The following VPS11 variants were observed in gnomAD, a reference collection of about 807,000 sequenced individuals.
VPS11 encodes VPS11 core subunit of CORVET and HOPS complexes, also known as vacuolar protein sorting-associated protein 11 homolog.
Under a neutral mutation model 106.8 loss-of-function variants are expected in VPS11, and 51 were observed. The ratio of observed to expected loss-of-function variants is 0.48; its 90% CI spans 0.38 to 0.60. The LOEUF (loss-of-function observed/expected upper bound fraction) is 0.60, where lower values mean the gene tolerates loss of function less well. Ranked by LOEUF, VPS11 falls within the 20% of genes least tolerant of loss-of-function variation. The probability of loss-of-function intolerance (pLI) is 0.00; values close to 1 mark genes in which losing one functional copy is unlikely to be tolerated. For missense variants in VPS11, 950 were observed against 1,190.0 expected (o/e 0.80, Z 2.97); for synonymous variants, 453 against 458.7 (o/e 0.99, Z 0.16).
intron 12 of VPS11, 21 bp from the exon 13 acceptor site, chr11:119,078,774 G>A (rs541042213): frequency 2.5e-6 from 4 of 1,611,174 alleles, no homozygotes; most frequent in South Asian, 2.2e-5. Context: ...CCACTGAGGT[G>A]TGCCCTTGCC....
In VPS11 at chr11:119,070,027, T is replaced by TAAATAAATAAATAAATAAAA. The variant is rs1252189260; in HGVS notation, c.473-204_473-203insTAAATAAATAAATAAAAAAA. On this transcript the variant is annotated intron_variant, in intron 3 of 15. Transcript: ENST00000621676. ...ATAAATAAATAAATAAATAAATAAA[T>TAAATAAATAAATAAATAAAA]AAAATAAATAAAGTTTGGAATGGGA... Among the ~76,000 whole-genome samples, 32 of 32,442 alleles carry TAAATAAATAAATAAATAAAA rather than the reference T, an allele frequency of 9.9e-4. No individual in the cohort carries two copies. The East Asian group carries it at 0.014, about 14-fold the overall frequency. 21.3% of individuals were successfully genotyped at this position (32,442 alleles called of 152,430 possible).
chr11:119,068,441 TAC>T (rs1565735729), intron 1 of VPS11, among the ~76,000 whole-genome samples: 15 of 133,596 alleles, frequency 1.1e-4, no homozygotes, highest in South Asian at 2.3e-4. Context: ...CTGGCCTTTT[TAC>T]CTTTTTTTTT....
chr11:119,075,568 A>G (rs1255519218), intron 7 of VPS11, among the ~76,000 whole-genome samples: 1 of 149,138 alleles, frequency 6.7e-6, no homozygotes, highest in Non-Finnish European at 1.5e-5. Flanking sequence ...AAAAAAATAC[A>G]AGGCCAGGCG....
rs1377543409 is a variant in VPS11, at chr11:119,081,679, G to A, written c.*56G>A. ...GAGGACCAAGAGAACAGACACAATG[G>A]GACCTGGGCGGGCGTTACACAGAAG... On this transcript the variant is annotated 3_prime_UTR_variant, in exon 16 of 16. Transcript: ENST00000621676. 4 of 1,587,348 alleles carry A rather than the reference G, an allele frequency of 2.5e-6. No individual in the cohort carries two copies. In the African/African-American group the frequency reaches 5.4e-5, roughly 21 times the overall value.
chr11:119,069,160 TCTCCTTGGAAAGGAGG>T lies in VPS11; in HGVS notation c.188-28_188-13del. The T allele has an allele frequency of 6.2e-7, 1 of 1,611,404 alleles. No individual in the cohort carries two copies. The highest frequency in any genetic ancestry group is 1.8e-4 in the Middle Eastern group (1 of 5,672). Reference sequence around the variant, plus strand: ...GAGTTCTGGTCTGAATGTAAGTATCTCTCCTTGGAAAGGAGGCTCCTTGACTACCCTGCACATATGG... The same window carrying T: ...GAGTTCTGGTCTGAATGTAAGTATCTCTCCTTGACTACCCTGCACATATGG... On this transcript the variant is annotated intron_variant, in intron 1 of 15. Transcript: ENST00000621676.
chr11:119,078,393 T>A, intron 11 of VPS11, 59 bp downstream of exon 11: 6 of 1,589,932 alleles, frequency 3.8e-6, no homozygotes, highest in Non-Finnish European at 5.1e-6. Context: ...CATTCTTCCG[T>A]CTTGGTGGCT....
Position 119,071,629 on chromosome 11 carries a change from G to A in VPS11, c.670G>A (p.Val224Met), listed in dbSNP as rs1404992268. Reference sequence around the variant, plus strand: ...AGTTTCTGGAAAAGACTACCCTCGCGTGGAGTTGGACACCCATGGTTGTGG... The same window carrying A: ...AGTTTCTGGAAAAGACTACCCTCGCATGGAGTTGGACACCCATGGTTGTGG... ...YIVSGKDYPR[V>M]ELDTHGCGLR... Residue 224 changes from valine (V) to methionine (M), a missense_variant, in exon 5 of 16, where the codon GTG becomes ATG. Coordinates refer to ENST00000621676, the MANE Select transcript of VPS11 (RefSeq NM_021729.6). 22 of 1,613,884 alleles carry A rather than the reference G, an allele frequency of 1.4e-5. No homozygotes were observed. Among genetic ancestry groups the A allele is most frequent in the Admixed American group, 1.7e-5 (1 of 59,986 alleles).
chr11:119,069,679 T>C, intron 3 of VPS11, 102 bp downstream of exon 3: 1 of 1,513,444 alleles, frequency 6.6e-7, no homozygotes, highest in Non-Finnish European at 9.0e-7. Flanking sequence ...CACTTTGTAC[T>C]GAACTGAGGC....
chr11:119,077,083 G>C lies in VPS11; in HGVS notation c.1425G>C (p.Lys475Asn). Residue 475 changes from lysine to asparagine, a missense_variant and splice_region_variant, in exon 8 of 16, where the codon AAG (lysine) becomes AAC (asparagine). This residue lies in a region of VPS11 where 435 missense variants were observed against 630.2 expected (regional missense o/e 0.69). Coordinates refer to ENST00000621676, the MANE Select transcript of VPS11 (RefSeq NM_021729.6). Reference protein sequence around the residue: ...KDSSKLEEFIKKKSESEVHFD... With the variant: ...KDSSKLEEFINKKSESEVHFD... ...GCTCGAAGCTGGAGGAGTTCATCAA[G>C]GTGCAGGATGTTGTTGGTGGGGAAG... The C allele has an allele frequency of 6.2e-7, 1 of 1,609,702 alleles. No individual in the cohort carries two copies. Among genetic ancestry groups the C allele is most frequent in the Non-Finnish European group, 8.5e-7 (1 of 1,177,678 alleles).
chr11:119,071,243 C>CA (rs1945376826), intron 4 of VPS11, among the ~76,000 whole-genome samples: 1 of 152,094 alleles, frequency 6.6e-6, no homozygotes. Context: ...TTCTAACTAA[C>CA]TTTTTAAATG....
intron 14 of VPS11, among the ~76,000 whole-genome samples, chr11:119,079,820 C>T (rs1403429918): frequency 2.0e-5 from 3 of 152,160 alleles, no homozygotes; most frequent in South Asian, 4.1e-4. Flanking sequence ...AGTGATCCTC[C>T]GGCCTTGACC....
In VPS11 at chr11:119,071,641, A is replaced by G; in HGVS notation, c.682A>G (p.Thr228Ala). Reference protein sequence around the residue: ...GKDYPRVELDTHGCGLRCSAL... With the variant: ...GKDYPRVELDAHGCGLRCSAL... Reference sequence around the variant, plus strand: ...AGACTACCCTCGCGTGGAGTTGGACACCCATGGTTGTGGCCTGCGCTGCTC... The same window carrying G: ...AGACTACCCTCGCGTGGAGTTGGACGCCCATGGTTGTGGCCTGCGCTGCTC... Residue 228 changes from threonine (T) to alanine (A), a missense_variant, in exon 5 of 16, where the codon ACC becomes GCC. Physicochemically the swap from Thr to Ala is moderately conservative, Grantham distance 58. Coordinates refer to ENST00000621676, the MANE Select transcript of VPS11 (RefSeq NM_021729.6). 6.2e-7 allele frequency: 1 copy of G among 1,613,984 alleles called. No individual in the cohort carries two copies. Among genetic ancestry groups the G allele is most frequent in the Non-Finnish European group, 8.5e-7 (1 of 1,179,886 alleles).
At chr11:119,075,392 C>CAATA (rs1241761607) in intron 7 of VPS11, among the ~76,000 whole-genome samples, 3 of 151,640 alleles carry the variant, frequency 2.0e-5, no homozygotes, top group African/African-American at 7.3e-5. Context: ...CCATTTCTAA[C>CAATA]AATAAATAAA....
rs1000064376 is a variant in VPS11 at position 119,078,513 on chromosome 11, A to G, written c.1924-52A>G. 4.4e-6 allele frequency: 7 copies of G among 1,596,116 alleles called. No homozygotes were observed. In the Middle Eastern group the frequency reaches 8.4e-4, roughly 191 times the overall value. On this transcript the variant is annotated intron_variant, in intron 11 of 15. Transcript: ENST00000621676. ...GAGTTGACTGGCTTTGTCCCAAGAGACCTTGTGATTTTCCCCTTTTGTCCA... is the reference window on the plus strand; with the variant it reads ...GAGTTGACTGGCTTTGTCCCAAGAGGCCTTGTGATTTTCCCCTTTTGTCCA...
In VPS11 at chr11:119,078,215, C is replaced by T. The variant is rs1166101084; in HGVS notation, c.1804C>T (p.Arg602Ter). ...CATCCCCATCTTTGCCAATAACCCG[C>T]GAGAGCTGAAAGCCTTCCTAGAGCA... ...EFIPIFANNP[R>*]ELKAFLEHMS... is the part of the protein sequence containing the mutation. The change falls in exon 11 of 16, where the codon CGA (arginine) becomes TGA (stop). Residue 602 changes from arginine to a stop codon, truncating the protein, a stop_gained. Coordinates refer to ENST00000621676, the MANE Select transcript of VPS11 (RefSeq NM_021729.6). LOFTEE classifies it high-confidence loss of function. The T allele has an allele frequency of 5.6e-6, 9 of 1,613,584 alleles. No individual in the cohort carries two copies. The highest frequency in any genetic ancestry group is 2.7e-5 in the African/African-American group (2 of 74,912).
chr11:119,078,557 C>T lies in VPS11; in HGVS notation c.1924-8C>T. ...TTGTCCAGCAGCTCTGCCCTCCTTC[C>T]TCTCCAGGTCAAAGAGAAGCTTCAC... is the stretch of plus-strand genomic sequence containing the variant. On this transcript the variant is annotated splice_polypyrimidine_tract_variant and splice_region_variant and intron_variant, in intron 11 of 15. Coordinates refer to ENST00000621676, the MANE Select transcript of VPS11 (RefSeq NM_021729.6). 1.2e-6 allele frequency: 2 copies of T among 1,606,672 alleles called. No individual in the cohort carries two copies. Among genetic ancestry groups the T allele is most frequent in the Non-Finnish European group, 1.7e-6 (2 of 1,173,998 alleles).
At chr11:119,072,617 C>G (rs992906988) in intron 5 of VPS11, 2 of 154,494 alleles carry the variant, frequency 1.3e-5, no homozygotes, top group African/African-American at 4.8e-5. Context: ...GTCTCGATCT[C>G]CTGACCTCGT....
intron 4 of VPS11, chr11:119,070,897 C>T (rs1945359194): frequency 1.3e-5 from 2 of 150,816 alleles, no homozygotes; most frequent in South Asian, 2.1e-4. Context: ...TGAGCCACCG[C>T]ACTCGGCCTT....
chr11:119,079,424 T>C, intron 14 of VPS11, 124 bp downstream of exon 14: 1 of 1,261,448 alleles, frequency 7.9e-7, no homozygotes, highest in South Asian at 1.6e-5. Context: ...ATTCTTCAAG[T>C]TGTGTTTTAA....
Sources: allele counts gnomAD v4.1 joint callset (sites outside exome capture counted in the v4.1 genomes callset), GRCh38; gene constraint gnomAD v4.1.1; regional missense constraint gnomAD v4.1.1; transcripts MANE v1.5; gene names NCBI Gene and HGNC (gene_info 2026-07-23, HGNC 2026-07-21).